The following CDH12 variants were observed in gnomAD, a reference collection of about 807,000 sequenced individuals.
The protein encoded by CDH12 is cadherin 12, also known as cadherin-12.
CDH12 carries 41 observed loss-of-function variants against 74.1 expected under a neutral mutation model. The observed-to-expected ratio is 0.55, with a 90% CI of 0.43 to 0.72. CDH12 has a LOEUF of 0.72. Among genes scored for constraint, CDH12 ranks in the 30% least tolerant of loss-of-function variants. CDH12 has a pLI of 0.00. For missense variants in CDH12, 945 were observed against 977.2 expected (o/e 0.97, Z 0.44); for synonymous variants, 399 against 355.0 (o/e 1.12, Z -1.39).
intron 3 of CDH12, among the ~76,000 whole-genome samples, chr5:22,343,158 C>T (rs1370254240): frequency 2.0e-5 from 3 of 151,248 alleles, no homozygotes; most frequent in Non-Finnish European, 4.4e-5. Context: ...TCTGGCCTCC[C>T]CTGGTATTTT....
At chr5:22,676,652 T>A (rs1484993917) in intron 1 of CDH12, among the ~76,000 whole-genome samples, 1 of 152,178 alleles carries the variant, frequency 6.6e-6, no homozygotes, top group African/African-American at 2.4e-5. Context: ...GAGAAGATAA[T>A]ACAGAATATC....
chr5:22,387,956 T>C (rs912907939), intron 3 of CDH12, among the ~76,000 whole-genome samples: 1 of 152,134 alleles, frequency 6.6e-6, no homozygotes, highest in Non-Finnish European at 1.5e-5. Context: ...AGGCTCATCA[T>C]AAGAGAAGTT....
In CDH12 at chr5:22,243,216, A is replaced by G. The variant is rs183277129; in HGVS notation, c.-332-30573T>C. Among the ~76,000 whole-genome samples the G allele has an allele frequency of 7.9e-3, 1,200 of 152,342 alleles. 8 individuals carry two copies. Among genetic ancestry groups the G allele is most frequent in the Non-Finnish European group, 0.011 (737 of 68,028 alleles). On this transcript the variant is annotated intron_variant, in intron 3 of 14. Transcript: ENST00000382254. ...GTTTAGTGAATGTCCTAGTTATCAT[A>G]AAGTTTTTAGAGCTATTTACATAAT...
intron 5 of CDH12, among the ~76,000 whole-genome samples, chr5:21,976,904 A>G (rs1757094303): frequency 6.6e-6 from 1 of 152,066 alleles, no homozygotes; most frequent in Non-Finnish European, 1.5e-5. Context: ...GTGTATTAGT[A>G]TGAGTAATTA....
At chr5:22,845,461 C>T (rs909557451) in intron 1 of CDH12, among the ~76,000 whole-genome samples, 3 of 152,140 alleles carry the variant, frequency 2.0e-5, no homozygotes, top group Admixed American at 6.6e-5. Context: ...TCCATTCCTT[C>T]ATTTATTCGT....
chr5:22,322,139 A>G (rs1257527598), intron 3 of CDH12, among the ~76,000 whole-genome samples: 1 of 151,730 alleles, frequency 6.6e-6, no homozygotes, highest in Non-Finnish European at 1.5e-5. Flanking sequence ...AGGAAAACTT[A>G]AAAAGCACTT....
chr5:22,677,989 T>C lies in CDH12; in HGVS notation c.-522-172625A>G, dbSNP rs892214981. On this transcript the variant is annotated intron_variant, in intron 1 of 14. Coordinates refer to ENST00000382254, the MANE Select transcript of CDH12 (RefSeq NM_004061.5). Reference sequence around the variant, plus strand: ...ATAATCCATCATGAGGTCCCCAAACTTGTGACCTCATCTAAACCTAAATAC... The same window carrying C: ...ATAATCCATCATGAGGTCCCCAAACCTGTGACCTCATCTAAACCTAAATAC... Among the ~76,000 whole-genome samples the C allele has an allele frequency of 2.0e-5, 3 of 149,790 alleles. No homozygotes were observed. The South Asian group carries it at 6.4e-4, about 32-fold the overall frequency.
At chr5:22,815,567 C>T (rs563699468) in intron 1 of CDH12, among the ~76,000 whole-genome samples, 3 of 151,684 alleles carry the variant, frequency 2.0e-5, no homozygotes, top group Non-Finnish European at 4.4e-5. Flanking sequence ...GTCAGGAGTT[C>T]GAGACTAGCC....
At chr5:22,248,288 T>C (rs1312953564) in intron 3 of CDH12, among the ~76,000 whole-genome samples, 5 of 152,042 alleles carry the variant, frequency 3.3e-5, no homozygotes, top group Non-Finnish European at 7.4e-5. Context: ...GACAAGAATT[T>C]AAACTCCATC....
At chr5:22,676,490 A>G (rs1440832304) in intron 1 of CDH12, among the ~76,000 whole-genome samples, 1 of 152,186 alleles carries the variant, frequency 6.6e-6, no homozygotes, top group Non-Finnish European at 1.5e-5. Context: ...CATCTTACCC[A>G]GATTTGTCAC....
chr5:22,696,511 C>T (rs928690102), intron 1 of CDH12, among the ~76,000 whole-genome samples: 1 of 151,622 alleles, frequency 6.6e-6, no homozygotes, highest in African/African-American at 2.4e-5. Flanking sequence ...TGTCAAATAC[C>T]TTTTTAGTAT....
At chr5:22,066,431 A>C (rs1741569185) in intron 5 of CDH12, among the ~76,000 whole-genome samples, 1 of 152,174 alleles carries the variant, frequency 6.6e-6, no homozygotes, top group African/African-American at 2.4e-5. Context: ...CTCTGAACTA[A>C]CATAAATTCT....
chr5:22,047,513 G>A (rs552029196), intron 5 of CDH12, among the ~76,000 whole-genome samples: 17 of 151,702 alleles, frequency 1.1e-4, no homozygotes, highest in South Asian at 4.2e-4. Context: ...AAATATGAAA[G>A]ATAAAAGTAA....
chr5:22,090,648 C>T (rs1224598344), intron 4 of CDH12, among the ~76,000 whole-genome samples: 1 of 150,922 alleles, frequency 6.6e-6, no homozygotes, highest in African/African-American at 2.4e-5. Context: ...TACCAATATC[C>T]CTTATGAATA....
intron 5 of CDH12, among the ~76,000 whole-genome samples, chr5:22,070,381 T>G (rs1349569845): frequency 6.6e-6 from 1 of 152,180 alleles, no homozygotes; most frequent in East Asian, 1.9e-4. Context: ...AAGGGTGGAC[T>G]TACAATGGTG....
chr5:22,795,623 T>TCTTG (rs1418607752), intron 1 of CDH12, among the ~76,000 whole-genome samples: 1 of 151,256 alleles, frequency 6.6e-6, no homozygotes, highest in Non-Finnish European at 1.5e-5. Context: ...ACACATCTCA[T>TCTTG]CTTGGCTCTG....
intron 6 of CDH12, among the ~76,000 whole-genome samples, chr5:21,971,813 G>A (rs1756866075): frequency 6.6e-6 from 1 of 152,120 alleles, no homozygotes; most frequent in African/African-American, 2.4e-5. Flanking sequence ...GGATCATTAA[G>A]TAATTTCCGG....
At chr5:21,904,566 CAAG>C (rs1360482091) in intron 6 of CDH12, among the ~76,000 whole-genome samples, 1 of 151,952 alleles carries the variant, frequency 6.6e-6, no homozygotes, top group African/African-American at 2.4e-5. Flanking sequence ...GCCAGGAGTT[CAAG>C]ACCAGCCCGA....
chr5:22,782,662 A>G (rs1747441237), intron 1 of CDH12, among the ~76,000 whole-genome samples: 1 of 152,162 alleles, frequency 6.6e-6, no homozygotes, highest in South Asian at 2.1e-4. Context: ...TAGGTTAACT[A>G]TTCATTGACA....
Sources: allele counts gnomAD v4.1 joint callset (sites outside exome capture counted in the v4.1 genomes callset), GRCh38; gene constraint gnomAD v4.1.1; transcripts MANE v1.5; gene names NCBI Gene and HGNC (gene_info 2026-07-23, HGNC 2026-07-21).